DAB1: variants seen among roughly 807,000 people sequenced by gnomAD.
The protein encoded by DAB1 is DAB adaptor protein 1, also known as disabled homolog 1.
Under a neutral mutation model 64.6 loss-of-function variants are expected in DAB1, and 15 were observed. That is an observed-to-expected ratio of 0.23 (90% CI 0.16 to 0.36). DAB1 has a LOEUF of 0.36. DAB1 is among the 10% of genes least tolerant of loss of function. The pLI is 1.00. For missense variants in DAB1, 596 were observed against 706.7 expected (o/e 0.84, Z 1.78); for synonymous variants, 235 against 251.9 (o/e 0.93, Z 0.64).
chr1:57,524,185 A>C (rs1039570133), intron 7 of DAB1, among the ~76,000 whole-genome samples: 2 of 152,128 alleles, frequency 1.3e-5, no homozygotes, highest in African/African-American at 4.8e-5. Context: ...AAAAGAAGAG[A>C]GAAAAGACAT....
chr1:57,519,543 C>T (rs1287765985), intron 7 of DAB1, among the ~76,000 whole-genome samples: 1 of 152,172 alleles, frequency 6.6e-6, no homozygotes, highest in Non-Finnish European at 1.5e-5. Flanking sequence ...TAGGTGGCCA[C>T]AGACCCCCCT....
chr1:57,647,355 G>C (rs181764802), intron 7 of DAB1, among the ~76,000 whole-genome samples: 1 of 152,298 alleles, frequency 6.6e-6, no homozygotes, highest in Non-Finnish European at 1.5e-5. Flanking sequence ...CAAAAGCATA[G>C]GATGTTTTCC....
chr1:57,094,109 A>AG (rs1653938215), intron 4 of DAB1, among the ~76,000 whole-genome samples: 2 of 31,972 alleles, frequency 6.3e-5, no homozygotes, highest in South Asian at 2.9e-3. Context: ...ACTCTGCCTC[A>AG]AAAAAAAAAA....
In DAB1 at chr1:57,246,383, C is replaced by T. The variant is rs376835890; in HGVS notation, c.67+44581G>A. Among the ~76,000 whole-genome samples the T allele has an allele frequency of 3.3e-5, 5 of 152,176 alleles. No homozygotes were observed. In the East Asian group the frequency reaches 5.8e-4, roughly 18 times the overall value. ...GGCTATTGCTTCAGAGGGTGCAAGC[C>T]CCAAGCCTTGGCACCTTCCATGTGG... On this transcript the variant is annotated intron_variant, in intron 2 of 14. Transcript: ENST00000371236.
chr1:57,668,708 A>C (rs983226890), intron 6 of DAB1, among the ~76,000 whole-genome samples: 9 of 152,080 alleles, frequency 5.9e-5, no homozygotes, highest in Non-Finnish European at 1.2e-4. Flanking sequence ...AAAAGTTAAG[A>C]CAAAAGGACA....
At chr1:58,139,436 T>C (rs1432274488) in intron 5 of DAB1, among the ~76,000 whole-genome samples, 3 of 152,042 alleles carry the variant, frequency 2.0e-5, no homozygotes, top group East Asian at 3.9e-4. Flanking sequence ...AGCAAACACG[T>C]CCTTCTTCAC....
chr1:57,945,620 A>T (rs1645174108), intron 5 of DAB1, among the ~76,000 whole-genome samples: 1 of 152,072 alleles, frequency 6.6e-6, no homozygotes, highest in Non-Finnish European at 1.5e-5. Context: ...TGAGAGGTTG[A>T]TAATCTTTCA....
At chr1:57,683,048 C>T (rs1484941201) in intron 6 of DAB1, among the ~76,000 whole-genome samples, 1 of 152,192 alleles carries the variant, frequency 6.6e-6, no homozygotes, top group African/African-American at 2.4e-5. Flanking sequence ...CAGAGAGAGC[C>T]TGATCCTGAG....
At chr1:58,300,626 G>A (rs1265454958) in intron 4 of DAB1, among the ~76,000 whole-genome samples, 548 of 46,766 alleles carry the variant, frequency 0.012, 7 homozygotes, top group Admixed American at 0.018. Flanking sequence ...GAGAGAGAGA[G>A]AGAGAGAGAG....
intron 4 of DAB1, chr1:58,228,788 A>T (rs1384827423): frequency 1.3e-6 from 1 of 793,954 alleles, no homozygotes; most frequent in African/African-American, 1.7e-5. Flanking sequence ...GACAGAAATC[A>T]TAGAGCACAA....
chr1:57,088,269 C>T (rs1653297667), intron 4 of DAB1, among the ~76,000 whole-genome samples: 1 of 152,100 alleles, frequency 6.6e-6, no homozygotes, highest in South Asian at 2.1e-4. Context: ...CGGGGTTTCA[C>T]CATGTTGGTC....
intron 2 of DAB1, among the ~76,000 whole-genome samples, chr1:57,206,543 C>A (rs1238855073): frequency 6.6e-6 from 1 of 152,150 alleles, no homozygotes; most frequent in Non-Finnish European, 1.5e-5. Flanking sequence ...CTGTCTCTTC[C>A]CATTTGTTCT....
chr1:57,431,130 T>C (rs940456823), intron 7 of DAB1, among the ~76,000 whole-genome samples: 3 of 114,494 alleles, frequency 2.6e-5, no homozygotes, highest in Admixed American at 1.6e-4. Context: ...GAAAAAGTAT[T>C]TCAGGCCAAA....
chr1:57,302,964 TAC>T (rs1673792789), intron 1 of DAB1, among the ~76,000 whole-genome samples: 1 of 152,182 alleles, frequency 6.6e-6, no homozygotes, highest in African/African-American at 2.4e-5. Context: ...CACATCTAAC[TAC>T]AGTATTAAAT....
At chr1:57,362,996 A>G (rs1679679358) in intron 1 of DAB1, among the ~76,000 whole-genome samples, 1 of 152,232 alleles carries the variant, frequency 6.6e-6, no homozygotes, top group Non-Finnish European at 1.5e-5. Context: ...AAAACTCAAA[A>G]GATAGATTAT....
chr1:58,023,020 C>A (rs1440287250), intron 5 of DAB1, among the ~76,000 whole-genome samples: 1 of 152,284 alleles, frequency 6.6e-6, no homozygotes, highest in Admixed American at 6.5e-5. Flanking sequence ...ACATACTCAA[C>A]ATTTCAGTCC....
chr1:58,039,554 C>A (rs1647101596), intron 5 of DAB1, among the ~76,000 whole-genome samples: 1 of 152,148 alleles, frequency 6.6e-6, no homozygotes, highest in Admixed American at 6.5e-5. Flanking sequence ...AATAACAGAA[C>A]CTATATTTGA....
chr1:57,569,699 A>C (rs1645170615), intron 7 of DAB1, among the ~76,000 whole-genome samples: 1 of 152,168 alleles, frequency 6.6e-6, no homozygotes, highest in African/African-American at 2.4e-5. Flanking sequence ...ATACATATGT[A>C]ACAAACCTGC....
At chr1:58,276,006 C>G (rs1343520787) in intron 4 of DAB1, among the ~76,000 whole-genome samples, 1 of 152,182 alleles carries the variant, frequency 6.6e-6, no homozygotes, top group Non-Finnish European at 1.5e-5. Context: ...CTGACACATG[C>G]TACAACATAG....
Sources: gnomAD v4.1 joint callset for allele counts (sites outside exome capture counted in the v4.1 genomes callset) on GRCh38, gnomAD v4.1.1 for gene constraint, MANE v1.5 for transcripts, NCBI Gene and HGNC (gene_info 2026-07-23, HGNC 2026-07-21) for gene names.